Variants in HTR1F observed in about 807,000 individuals in gnomAD.
The protein encoded by HTR1F is 5-hydroxytryptamine (serotonin) receptor 1F, G protein-coupled.
A neutral mutation model predicts 24.0 loss-of-function variants in HTR1F; 17 were observed. The observed-to-expected ratio is 0.71, with a 90% CI of 0.48 to 1.06. The LOEUF (loss-of-function observed/expected upper bound fraction) is 1.06, where lower values mean the gene tolerates loss of function less well. Among genes scored for constraint, HTR1F ranks in the 50% least tolerant of loss-of-function variants. The pLI is 0.00. For synonymous variants in HTR1F, 186 were observed against 156.8 expected (o/e 1.19, Z -1.39); for missense variants, 391 against 427.8 (o/e 0.91, Z 0.76).
At chr3:87,959,426 G>T (rs1705013986) in intron 2 of HTR1F, among the ~76,000 whole-genome samples, 2 of 151,674 alleles carry the variant, frequency 1.3e-5, no homozygotes, top group Non-Finnish European at 2.9e-5. Flanking sequence ...CCCATTGTAT[G>T]GTCACTTTGT....
chr3:87,933,433 A>G (rs1315815477), intron 2 of HTR1F, among the ~76,000 whole-genome samples: 1 of 152,234 alleles, frequency 6.6e-6, no homozygotes, highest in Non-Finnish European at 1.5e-5. Flanking sequence ...TGCAGACGAC[A>G]TGATTGTATA....
intron 2 of HTR1F, among the ~76,000 whole-genome samples, chr3:87,861,636 G>C (rs1705320525): frequency 6.6e-6 from 1 of 152,000 alleles, no homozygotes; most frequent in Admixed American, 6.6e-5. Flanking sequence ...AATTTCTCTT[G>C]CTGAAGTTTG....
intron 2 of HTR1F, among the ~76,000 whole-genome samples, chr3:87,825,235 T>C (rs555151938): frequency 6.6e-6 from 1 of 152,314 alleles, no homozygotes; most frequent in South Asian, 2.1e-4. Flanking sequence ...CAGTTGTGTA[T>C]GATATATTTA....
At chr3:87,842,288 G>A (rs1320461546) in intron 2 of HTR1F, among the ~76,000 whole-genome samples, 2 of 151,604 alleles carry the variant, frequency 1.3e-5, no homozygotes, top group African/African-American at 2.4e-5. Context: ...AGCCTCCCGA[G>A]TAGCTGGGAT....
At chr3:87,980,327 G>A (rs1364883421) in intron 2 of HTR1F, among the ~76,000 whole-genome samples, 1 of 152,138 alleles carries the variant, frequency 6.6e-6, no homozygotes, top group Non-Finnish European at 1.5e-5. Context: ...CCTGTAGTCA[G>A]GTCATCCCAA....
chr3:87,967,354 GC>G (rs1200145492), intron 2 of HTR1F, among the ~76,000 whole-genome samples: 1 of 152,058 alleles, frequency 6.6e-6, no homozygotes, highest in African/African-American at 2.4e-5. Flanking sequence ...GGAGGCTGAG[GC>G]AGGAGAATCA....
chr3:87,976,294 A>G (rs1255527783), intron 2 of HTR1F, among the ~76,000 whole-genome samples: 1 of 152,220 alleles, frequency 6.6e-6, no homozygotes, highest in African/African-American at 2.4e-5. Context: ...TCCTGGTGCT[A>G]GTAAAAAACA....
chr3:87,810,165 TA>T (rs1333429808), intron 1 of HTR1F, among the ~76,000 whole-genome samples: 1 of 152,156 alleles, frequency 6.6e-6, no homozygotes, highest in Non-Finnish European at 1.5e-5. Flanking sequence ...TTATTCAATT[TA>T]AACTTATAGC....
chr3:87,929,151 G>A (rs1244876923), intron 2 of HTR1F, among the ~76,000 whole-genome samples: 1 of 152,140 alleles, frequency 6.6e-6, no homozygotes, highest in Non-Finnish European at 1.5e-5. Context: ...CAGTTAAGAT[G>A]TTCCCCCCTT....
At chr3:87,944,448 C>G (rs1450297240) in intron 2 of HTR1F, among the ~76,000 whole-genome samples, 2 of 152,112 alleles carry the variant, frequency 1.3e-5, no homozygotes, top group Non-Finnish European at 2.9e-5. Flanking sequence ...ACAAGAGTCT[C>G]CTATCAATTA....
chr3:87,852,144 A>C (rs1277328698), intron 2 of HTR1F, among the ~76,000 whole-genome samples: 1 of 151,528 alleles, frequency 6.6e-6, no homozygotes, highest in Non-Finnish European at 1.5e-5. Flanking sequence ...TTTTATGTTT[A>C]TTGGCCTTTG....
intron 2 of HTR1F, among the ~76,000 whole-genome samples, chr3:87,913,253 G>T (rs1028701092): frequency 3.3e-5 from 5 of 151,756 alleles, no homozygotes; most frequent in African/African-American, 9.7e-5. Context: ...ACAGAAAATA[G>T]CCCCATTAAA....
At chr3:87,963,702 A>G (rs555518547) in intron 2 of HTR1F, among the ~76,000 whole-genome samples, 1 of 152,246 alleles carries the variant, frequency 6.6e-6, no homozygotes, top group South Asian at 2.1e-4. Flanking sequence ...TGATCCCTCA[A>G]CTTCTCAATG....
rs780902577 is a variant in HTR1F, at chr3:87,936,244, A to AT, written c.-42-54460dup. ...CTTTGAGAAGTTTTACACAAGAATA[A>AT]TTTTCTAAAAGAATACAATTGTGCA... On this transcript the variant is annotated intron_variant, in intron 2 of 2. Transcript: ENST00000319595. Among the ~76,000 whole-genome samples, 10 of 152,306 alleles carry AT rather than the reference A, an allele frequency of 6.6e-5. No individual in the cohort carries two copies. The South Asian group carries it at 1.2e-3, about 19-fold the overall frequency.
chr3:87,951,628 C>G (rs1221277501), intron 2 of HTR1F, among the ~76,000 whole-genome samples: 1 of 152,080 alleles, frequency 6.6e-6, no homozygotes, highest in African/African-American at 2.4e-5. Context: ...AGGATATTTG[C>G]TACAACTGAT....
chr3:87,892,626 T>C (rs1482351924), intron 2 of HTR1F, among the ~76,000 whole-genome samples: 1 of 152,178 alleles, frequency 6.6e-6, no homozygotes, highest in Non-Finnish European at 1.5e-5. Flanking sequence ...ACATGGTAGG[T>C]GTTCCCGAAA....
chr3:87,903,664 T>G (rs1170785636), intron 2 of HTR1F, among the ~76,000 whole-genome samples: 1 of 151,902 alleles, frequency 6.6e-6, no homozygotes, highest in African/African-American at 2.4e-5. Flanking sequence ...GGAACACTTT[T>G]ACACTGTTGG....
At chr3:87,852,563 T>C (rs1705110275) in intron 2 of HTR1F, among the ~76,000 whole-genome samples, 1 of 151,918 alleles carries the variant, frequency 6.6e-6, no homozygotes, top group East Asian at 1.9e-4. Flanking sequence ...TCATGTATTC[T>C]GCAAGCAATT....
chr3:87,826,658 G>A (rs1028652011), intron 2 of HTR1F, among the ~76,000 whole-genome samples: 4 of 152,050 alleles, frequency 2.6e-5, no homozygotes, highest in Non-Finnish European at 2.9e-5. Flanking sequence ...AGTGCACTTC[G>A]ATAACGTCTC....
Sources: gnomAD v4.1 joint callset for allele counts (sites outside exome capture counted in the v4.1 genomes callset) on GRCh38, gnomAD v4.1.1 for gene constraint, MANE v1.5 for transcripts, NCBI Gene and HGNC (gene_info 2026-07-23, HGNC 2026-07-21) for gene names.